KAT2B: variants seen among roughly 807,000 people sequenced by gnomAD.
KAT2B encodes the protein histone acetyltransferase KAT2B.
In KAT2B, 36 loss-of-function variants were observed where a neutral mutation model predicts 105.9. That is an observed-to-expected ratio of 0.34 (90% confidence interval 0.26 to 0.45). The LOEUF is 0.45. KAT2B is among the 20% of genes least tolerant of loss of function. The pLI, the probability that KAT2B is intolerant of heterozygous loss-of-function variation, is 1.00. For synonymous variants in KAT2B, 397 were observed against 377.9 expected (o/e 1.05, Z -0.59); for missense variants, 820 against 1,021.6 (o/e 0.80, Z 2.69).
In KAT2B at chr3:20,064,672, G is replaced by A. The variant is rs754342415; in HGVS notation, c.304-7661G>A. On this transcript the variant is annotated intron_variant, in intron 1 of 17. Transcript: ENST00000263754. The stretch of plus-strand genomic sequence containing the variant: ...CCAGGCAAGTCTCTTATCACCTAGA[G>A]CCTCAGCTTTCTCTTTTAATAATGG... Among the ~76,000 whole-genome samples the A allele has an allele frequency of 2.0e-5, 3 of 152,272 alleles. No homozygotes were observed. In the South Asian group the frequency reaches 6.2e-4, roughly 32 times the overall value.
chr3:20,115,668 A>G (rs764326189), intron 7 of KAT2B, among the ~76,000 whole-genome samples: 4 of 152,212 alleles, frequency 2.6e-5, no homozygotes, highest in Non-Finnish European at 5.9e-5. Flanking sequence ...TTTTTACTGT[A>G]CTGTGTTTTG....
chr3:20,122,364 TAACA>T (rs1371061066), intron 8 of KAT2B, among the ~76,000 whole-genome samples: 2 of 152,320 alleles, frequency 1.3e-5, no homozygotes, highest in East Asian at 3.9e-4. Context: ...TAGAGAGTAC[TAACA>T]AACAATAGCT....
chr3:20,056,008 G>T (rs576004720), intron 1 of KAT2B, among the ~76,000 whole-genome samples: 2 of 152,262 alleles, frequency 1.3e-5, no homozygotes, highest in African/African-American at 2.4e-5. Flanking sequence ...CTGTATGGAC[G>T]TACTAGTTTG....
chr3:20,057,326 G>A (rs1698018938), intron 1 of KAT2B, among the ~76,000 whole-genome samples: 2 of 152,192 alleles, frequency 1.3e-5, no homozygotes, highest in Admixed American at 1.3e-4. Context: ...TGGAAGTTCT[G>A]CTTTACAGGT....
intron 2 of KAT2B, among the ~76,000 whole-genome samples, chr3:20,079,451 G>A (rs1487647661): frequency 1.3e-5 from 2 of 151,980 alleles, no homozygotes; most frequent in Non-Finnish European, 2.9e-5. Flanking sequence ...TAATCTGCCC[G>A]CTTCAGCCTC....
intron 7 of KAT2B, among the ~76,000 whole-genome samples, chr3:20,117,912 C>T (rs1699233972): frequency 6.6e-6 from 1 of 152,036 alleles, no homozygotes; most frequent in Admixed American, 6.6e-5. Flanking sequence ...GAAATACTGT[C>T]AAACTCACAG....
chr3:20,148,395 T>A lies in KAT2B; in HGVS notation c.2221-8T>A. 1 of 1,609,648 alleles carries A rather than the reference T, an allele frequency of 6.2e-7. No homozygotes were observed. Among genetic ancestry groups the A allele is most frequent in the Non-Finnish European group, 8.5e-7 (1 of 1,178,620 alleles). On this transcript the variant is annotated splice_region_variant and splice_polypyrimidine_tract_variant and intron_variant, in intron 16 of 17. Transcript: ENST00000263754. ...ATATTAGATACCTTACTTTTTTCTT[T>A]ACCCAAGAGCCATCAAAGCGCTTGG...
intron 1 of KAT2B, among the ~76,000 whole-genome samples, chr3:20,069,818 T>C (rs1698287398): frequency 2.6e-5 from 4 of 152,176 alleles, no homozygotes; most frequent in Admixed American, 2.6e-4. Context: ...TGTGAGCCAC[T>C]GCGCCCGGCC....
At chr3:20,109,975 C>T (rs1300245607) in intron 5 of KAT2B, among the ~76,000 whole-genome samples, 1 of 152,032 alleles carries the variant, frequency 6.6e-6, no homozygotes, top group Non-Finnish European at 1.5e-5. Flanking sequence ...GCCACAGCCA[C>T]CACCATTTCC....
At chr3:20,101,570 G>A (rs1298864233) in intron 5 of KAT2B, 102 bp downstream of exon 5, 3 of 831,400 alleles carry the variant, frequency 3.6e-6, no homozygotes, top group Non-Finnish European at 5.8e-6. Flanking sequence ...TTATCATTAT[G>A]ACTCCATCAA....
At chr3:20,127,755 G>A (rs1006609140) in intron 11 of KAT2B, among the ~76,000 whole-genome samples, 11 of 152,136 alleles carry the variant, frequency 7.2e-5, no homozygotes, top group African/African-American at 4.8e-5. Context: ...ATTTTTCCAC[G>A]GGTCAGATTA....
At chr3:20,041,146 G>T (rs932493896) in intron 1 of KAT2B, among the ~76,000 whole-genome samples, 17 of 152,222 alleles carry the variant, frequency 1.1e-4, no homozygotes, top group South Asian at 6.2e-4. Context: ...TGACCCAGGG[G>T]CAAGGAAAAA....
chr3:20,058,668 C>T (rs2125170265), intron 1 of KAT2B, among the ~76,000 whole-genome samples: 1 of 152,176 alleles, frequency 6.6e-6, no homozygotes, highest in South Asian at 2.1e-4. Flanking sequence ...AGCTTGAAGT[C>T]ATAGCATTAT....
In KAT2B at chr3:20,104,252, A is replaced by C. The variant is rs112295306; in HGVS notation, c.851+2784A>C. Among the ~76,000 whole-genome samples the C allele has an allele frequency of 3.0e-4, 45 of 152,296 alleles. 1 individual carries two copies. Among genetic ancestry groups the C allele is most frequent in the African/African-American group, 1.0e-3 (42 of 41,568 alleles). On this transcript the variant is annotated intron_variant, in intron 5 of 17. Coordinates refer to ENST00000263754, the MANE Select transcript of KAT2B (RefSeq NM_003884.5). ...AAGAGAAACTTGCTGAGAGAAACAG[A>C]AATGAATATGCCCTAATGAGTTCTG...
intron 4 of KAT2B, among the ~76,000 whole-genome samples, chr3:20,100,318 G>C (rs1165340568): frequency 6.6e-6 from 1 of 152,136 alleles, no homozygotes; most frequent in African/African-American, 2.4e-5. Flanking sequence ...AGCCTATTGA[G>C]GTGAGGGGAT....
chr3:20,085,428 T>A (rs1418382707), intron 2 of KAT2B, among the ~76,000 whole-genome samples: 1 of 152,200 alleles, frequency 6.6e-6, no homozygotes, highest in Non-Finnish European at 1.5e-5. Context: ...GGTAACGTAT[T>A]GTATAGTCAA....
intron 17 of KAT2B, among the ~76,000 whole-genome samples, chr3:20,150,490 T>C (rs1699853434): frequency 6.6e-6 from 1 of 152,218 alleles, no homozygotes; most frequent in South Asian, 2.1e-4. Context: ...GACTTCTTGT[T>C]ACCCATGGAT....
chr3:20,150,924 T>C (rs1205153516), intron 17 of KAT2B, among the ~76,000 whole-genome samples: 1 of 152,182 alleles, frequency 6.6e-6, no homozygotes, highest in Non-Finnish European at 1.5e-5. Flanking sequence ...ATTATACATA[T>C]TATATTGGGC....
chr3:20,127,307 T>C, intron 10 of KAT2B, 116 bp from the exon 11 acceptor site: 1 of 932,184 alleles, frequency 1.1e-6, no homozygotes, highest in Non-Finnish European at 1.7e-6. Flanking sequence ...TGAAGGAAGT[T>C]TCTATAGAAA....
Sources: allele counts gnomAD v4.1 joint callset (sites outside exome capture counted in the v4.1 genomes callset), GRCh38; gene constraint gnomAD v4.1.1; transcripts MANE v1.5; gene names NCBI Gene and HGNC (gene_info 2026-07-23, HGNC 2026-07-21).